CD81: variants seen among roughly 807,000 people sequenced by gnomAD.
CD81 encodes the protein CD81 molecule, also known as CD81 antigen.
CD81 carries 10 observed loss-of-function variants against 30.1 expected under a neutral mutation model. The ratio of observed to expected loss-of-function variants is 0.33; its 90% CI spans 0.21 to 0.56. The LOEUF is 0.56. Among genes scored for constraint, CD81 ranks in the 20% least tolerant of loss-of-function variants. The pLI is 0.89. For synonymous variants in CD81, 147 were observed against 126.4 expected, an observed-to-expected ratio of 1.16 and a Z score of -1.10; for missense variants, 263 against 308.7, an observed-to-expected ratio of 0.85 and a Z score of 1.11.
intron 1 of CD81, among the ~76,000 whole-genome samples, chr11:2,381,340 G>A (rs932487332): frequency 6.6e-6 from 1 of 152,196 alleles, no homozygotes; most frequent in Non-Finnish European, 1.5e-5. Flanking sequence ...CAAGTCACTC[G>A]CCCTCCCTGC....
chr11:2,378,243 C>A lies in CD81; in HGVS notation c.66+628C>A, dbSNP rs757101900. On this transcript the variant is annotated intron_variant, in intron 1 of 7. Transcript: ENST00000263645. This position sits in a 1 kb window ranked among gnomAD's most constrained non-coding sequence, Gnocchi z 4.9. The stretch of plus-strand genomic sequence containing the variant: ...GACTCCCGCCGGGATGGCCCAGAAG[C>A]TGGGGTGCGCGCACCCTGGCCGTCC... Among the ~76,000 whole-genome samples, 9 of 151,982 alleles carry A rather than the reference C, an allele frequency of 5.9e-5. No homozygotes were observed. Among genetic ancestry groups the A allele is most frequent in the African/African-American group, 9.7e-5 (4 of 41,398 alleles).
In CD81 at chr11:2,397,274, C is replaced by G. The variant is rs575239537; in HGVS notation, c.*408C>G. Reference sequence around the variant, plus strand: ...CACCTTGTTCCCTCCTGCCCCGGTTCGAGAGCCGAGTCTGTGGGCACTCTC... The same window carrying G: ...CACCTTGTTCCCTCCTGCCCCGGTTGGAGAGCCGAGTCTGTGGGCACTCTC... On this transcript the variant is annotated 3_prime_UTR_variant, in exon 8 of 8. Transcript: ENST00000263645. 3.6e-6 allele frequency: 1 copy of G among 280,864 alleles called. No homozygotes were observed. Among genetic ancestry groups the G allele is most frequent in the East Asian group, 9.3e-5 (1 of 10,732 alleles). 17.4% of individuals were successfully genotyped at this position (280,864 alleles called of 1,614,324 possible). A position where few individuals can be genotyped will look rare whatever the true frequency, so the allele number is the denominator to read the frequency against.
intron 3 of CD81, 122 bp from the exon 4 acceptor site, chr11:2,394,850 T>G: frequency 1.1e-6 from 1 of 870,222 alleles, no homozygotes; most frequent in Non-Finnish European, 1.9e-6. Flanking sequence ...CCTGGTCAGG[T>G]CGTGGGCTGG....
At chr11:2,390,925 AGGGGTGGAGAC>A (rs981594468) in intron 2 of CD81, 2 of 112,662 alleles carry the variant, frequency 1.8e-5, no homozygotes, top group African/African-American at 9.9e-5. Flanking sequence ...GAACCCAGTG[AGGGGTGGAGAC>A]GGGGCAGGGG....
At chr11:2,381,044 A>T (rs959900657) in intron 1 of CD81, among the ~76,000 whole-genome samples, 2 of 152,184 alleles carry the variant, frequency 1.3e-5, no homozygotes, top group African/African-American at 4.8e-5. Context: ...AGGGGCTGCA[A>T]CCCTGGCAGG....
chr11:2,387,538 A>AC (rs1423225711), intron 1 of CD81, among the ~76,000 whole-genome samples: 1 of 151,496 alleles, frequency 6.6e-6, no homozygotes, highest in Non-Finnish European at 1.5e-5. Flanking sequence ...CTCTGGGGCC[A>AC]CCCCCCAGCC....
intron 1 of CD81, among the ~76,000 whole-genome samples, chr11:2,384,214 C>A (rs1234787844): frequency 6.6e-6 from 1 of 152,092 alleles, no homozygotes; most frequent in Non-Finnish European, 1.5e-5. Context: ...CCAGGAACCC[C>A]ACAGGTTACC....
chr11:2,394,888 G>T, intron 3 of CD81, 84 bp from the exon 4 acceptor site: 1 of 1,277,806 alleles, frequency 7.8e-7, no homozygotes. Context: ...TCACAGACAC[G>T]CCTGCTGGGC....
chr11:2,396,921 C>T lies in CD81; in HGVS notation c.*55C>T, dbSNP rs1412830763. 2.4e-5 allele frequency: 36 copies of T among 1,531,006 alleles called. No homozygotes were observed. In the South Asian group the frequency reaches 3.1e-4, roughly 13 times the overall value. The allele number at this position is 1,531,006 out of a possible 1,614,324, so 94.8% of individuals were successfully genotyped here. A position where few individuals can be genotyped will look rare whatever the true frequency, so the allele number is the denominator to read the frequency against. On this transcript the variant is annotated 3_prime_UTR_variant, in exon 8 of 8. Coordinates refer to ENST00000263645, the MANE Select transcript of CD81 (RefSeq NM_004356.4). ...TGCAGTGCCCCCTAAGTGACCCGGA[C>T]ACTTCCGAGGGGGCCATCACCGCCT... is the stretch of plus-strand genomic sequence containing the variant.
Position 2,394,877 on chromosome 11 carries a change from CT to C in CD81, c.280-94del. 3 of 1,180,944 alleles carry C rather than the reference CT, an allele frequency of 2.5e-6. No homozygotes were observed. The East Asian group carries it at 7.0e-5, about 28-fold the overall frequency. The allele number at this position is 1,180,944 out of a possible 1,614,324, so 73.2% of individuals were successfully genotyped here. A position where few individuals can be genotyped will look rare whatever the true frequency, so the allele number is the denominator to read the frequency against. On this transcript the variant is annotated intron_variant, in intron 3 of 7. Transcript: ENST00000263645. ...GTGGGCTGGTGGCTCCCACTAGCCC[CT>C]CACAGACACGCCTGCTGGGCACCTG...
intron 2 of CD81, chr11:2,391,041 G>C (rs1276804999): frequency 8.1e-6 from 2 of 246,122 alleles, no homozygotes; most frequent in Non-Finnish European, 1.6e-5. Context: ...CTGCGTGTGG[G>C]GGACTGGGCT....
At chr11:2,381,788 C>T (rs954087016) in intron 1 of CD81, among the ~76,000 whole-genome samples, 7 of 152,328 alleles carry the variant, frequency 4.6e-5, no homozygotes, top group East Asian at 1.9e-4. Flanking sequence ...TGCAGGTGTC[C>T]GCCTTGTTCC....
Position 2,397,171 on chromosome 11 carries a change from C to G in CD81, c.*305C>G. 2.1e-6 allele frequency: 1 copy of G among 465,194 alleles called. No individual in the cohort carries two copies. Among genetic ancestry groups the G allele is most frequent in the South Asian group, 2.1e-5 (1 of 47,118 alleles). 28.8% of individuals were successfully genotyped at this position (465,194 alleles called of 1,614,324 possible). ...GCTCAGCCAGGCCTCTCCTGGGAGC[C>G]ACTCGCCCAGAGACTCAGCTTGGCC... On this transcript the variant is annotated 3_prime_UTR_variant, in exon 8 of 8. Transcript: ENST00000263645.
At chr11:2,385,269 A>G (rs2133448029) in intron 1 of CD81, among the ~76,000 whole-genome samples, 1 of 152,164 alleles carries the variant, frequency 6.6e-6, no homozygotes, top group South Asian at 2.1e-4. Context: ...GTAAGTTTTG[A>G]CAAATTTATA....
chr11:2,390,230 GC>G (rs928120757), intron 1 of CD81, 181 bp from the exon 2 acceptor site: 11 of 671,454 alleles, frequency 1.6e-5, no homozygotes, highest in Admixed American at 1.2e-4. Flanking sequence ...CAAAGCACCC[GC>G]CCCATGCTCC....
At chr11:2,393,872 C>A in intron 2 of CD81, 1 of 688,980 alleles carries the variant, frequency 1.5e-6, no homozygotes, top group Non-Finnish European at 2.7e-6. Flanking sequence ...CCCCATGTGG[C>A]CTCCTTAGTC....
rs1849623309 is a variant in CD81, at chr11:2,377,711, C to T, written c.66+96C>T. ...AGCGTGCTAGGCCCCGCGGGCGCAG[C>T]GCGGGCCGCGAAGTTGTGGGGCCAC... On this transcript the variant is annotated intron_variant, in intron 1 of 7. Transcript: ENST00000263645. This position sits in a 1 kb window ranked among gnomAD's most constrained non-coding sequence, Gnocchi z 7.7. 1 of 728,566 alleles carries T rather than the reference C, an allele frequency of 1.4e-6. No individual in the cohort carries two copies. Among genetic ancestry groups the T allele is most frequent in the Non-Finnish European group, 2.0e-6 (1 of 510,286 alleles). The allele number at this position is 728,566 out of a possible 1,614,324, so 45.1% of individuals were successfully genotyped here. A position where few individuals can be genotyped will look rare whatever the true frequency, so the allele number is the denominator to read the frequency against.
chr11:2,395,436 G>T lies in CD81; in HGVS notation c.375G>T (p.Gln125His), dbSNP rs770173097. ...NKDQIAKDVK[Q>H]FYDQALQQAV... The stretch of plus-strand genomic sequence containing the variant: ...CCCAGATCGCCAAGGATGTGAAGCA[G>T]TTCTATGACCAGGCCCTACAGCAGG... Residue 125 changes from glutamine to histidine, a missense_variant, in exon 5 of 8, where the codon CAG (glutamine) becomes CAT (histidine). This residue lies in a region of CD81 where 176 missense variants were observed against 192.9 expected (regional missense o/e 0.91). Coordinates refer to ENST00000263645, the MANE Select transcript of CD81 (RefSeq NM_004356.4). The T allele has an allele frequency of 1.9e-5, 30 of 1,612,702 alleles. No homozygotes were observed. The highest frequency in any genetic ancestry group is 2.5e-5 in the Non-Finnish European group (30 of 1,179,810).
intron 3 of CD81, chr11:2,394,755 C>T (rs1028336900): frequency 2.1e-5 from 13 of 633,308 alleles, no homozygotes; most frequent in Admixed American, 4.5e-5. Context: ...CCTGGTGCCG[C>T]GTGGGGACAT....
Sources: gnomAD v4.1 joint callset for allele counts (sites outside exome capture counted in the v4.1 genomes callset) on GRCh38, gnomAD v4.1.1 for gene constraint, gnomAD v4.1.1 regional missense constraint, Gnocchi (gnomAD v3.1) non-coding constraint, MANE v1.5 for transcripts, NCBI Gene and HGNC (gene_info 2026-07-23, HGNC 2026-07-21) for gene names.